Variants in PDE11A observed in about 807,000 individuals in gnomAD.
The protein encoded by PDE11A is dual 3',5'-cyclic-AMP and -GMP phosphodiesterase 11A.
A neutral mutation model predicts 100.5 loss-of-function variants in PDE11A; 100 were observed. The ratio of observed to expected loss-of-function variants is 1.00; its 90% CI spans 0.85 to 1.18. PDE11A has a LOEUF of 1.18. Among genes scored for constraint, PDE11A ranks in the 50% most tolerant of loss-of-function variants. PDE11A has a pLI of 0.00. For synonymous variants in PDE11A, 381 were observed against 420.8 expected, an observed-to-expected ratio of 0.91 and a Z score of 1.16; for missense variants, 1,141 against 1,152.6, an observed-to-expected ratio of 0.99 and a Z score of 0.15.
At chr2:177,692,712 A>C (rs1419800602) in intron 15 of PDE11A, among the ~76,000 whole-genome samples, 1 of 152,228 alleles carries the variant, frequency 6.6e-6, no homozygotes, top group Non-Finnish European at 1.5e-5. Context: ...TGAAACTTAG[A>C]AATTCACATT....
chr2:177,655,861 T>C (rs2080374589), intron 19 of PDE11A, among the ~76,000 whole-genome samples: 1 of 152,370 alleles, frequency 6.6e-6, no homozygotes, highest in Non-Finnish European at 1.5e-5. Flanking sequence ...ATGTATGCAA[T>C]ATACAATATA....
chr2:177,731,318 A>C (rs1264460977), intron 10 of PDE11A, among the ~76,000 whole-genome samples: 1 of 152,158 alleles, frequency 6.6e-6, no homozygotes, highest in Non-Finnish European at 1.5e-5. Context: ...TGGGGCTCTA[A>C]AAGTTTCTAT....
intron 2 of PDE11A, chr2:177,922,613 T>C (rs35885074): frequency 0.08 from 69,062 of 858,952 alleles, 2,847 homozygotes; most frequent in South Asian, 0.094. Flanking sequence ...CATCACTGAG[T>C]CCGGCTAATT....
At chr2:178,008,212 A>G (rs1341200908) in intron 2 of PDE11A, among the ~76,000 whole-genome samples, 3 of 152,206 alleles carry the variant, frequency 2.0e-5, no homozygotes, top group African/African-American at 7.2e-5. Flanking sequence ...TAATACCACT[A>G]TTCATGTACA....
chr2:178,084,898 C>G (rs566452214), intron 2 of PDE11A, among the ~76,000 whole-genome samples: 85 of 152,236 alleles, frequency 5.6e-4, no homozygotes, highest in African/African-American at 2.0e-3. Context: ...AAGTTTTGAT[C>G]AGTGGAATGT....
intron 2 of PDE11A, among the ~76,000 whole-genome samples, chr2:177,990,777 G>A (rs1420882485): frequency 7.1e-6 from 1 of 141,508 alleles, no homozygotes; most frequent in East Asian, 2.1e-4. Flanking sequence ...AGGGTAGCGT[G>A]GTGGCTCATG....
chr2:178,075,795 A>G (rs2105875912), upstream of PDE11A, among the ~76,000 whole-genome samples: 1 of 152,306 alleles, frequency 6.6e-6, no homozygotes, highest in Non-Finnish European at 1.5e-5. Flanking sequence ...TCTTGGCCCT[A>G]TATGGAAACT....
At chr2:177,907,485 C>T (rs566033957) in intron 2 of PDE11A, among the ~76,000 whole-genome samples, 30 of 152,202 alleles carry the variant, frequency 2.0e-4, no homozygotes, top group Non-Finnish European at 3.4e-4. Context: ...ATTGTATATG[C>T]ATTACATCTG....
upstream of PDE11A, among the ~76,000 whole-genome samples, chr2:178,077,169 G>A (rs566339662): frequency 1.2e-4 from 18 of 152,140 alleles, no homozygotes; most frequent in Middle Eastern, 6.8e-3. Context: ...ATACTCACAG[G>A]TGTGGTTCAC....
At chr2:177,826,731 C>CTA (rs2083231439) in intron 6 of PDE11A, among the ~76,000 whole-genome samples, 1 of 152,200 alleles carries the variant, frequency 6.6e-6, no homozygotes, top group Admixed American at 6.5e-5. Flanking sequence ...CTTCCCCATT[C>CTA]TATATTTTAT....
chr2:177,709,865 A>C (rs1426027444), intron 13 of PDE11A, among the ~76,000 whole-genome samples: 1 of 152,176 alleles, frequency 6.6e-6, no homozygotes, highest in Non-Finnish European at 1.5e-5. Flanking sequence ...AAAGGGGGCC[A>C]CGGGTGTCAT....
At chr2:178,081,687 T>C (rs918516778) in intron 2 of PDE11A, among the ~76,000 whole-genome samples, 1 of 152,246 alleles carries the variant, frequency 6.6e-6, no homozygotes, top group Non-Finnish European at 1.5e-5. Context: ...CTTTTTTGTT[T>C]GTTTGTTTGT....
intron 2 of PDE11A, among the ~76,000 whole-genome samples, chr2:178,084,631 G>A (rs1297591999): frequency 2.6e-5 from 4 of 152,190 alleles, no homozygotes; most frequent in Non-Finnish European, 4.4e-5. Context: ...GATGCATAGG[G>A]CATGACTGGT....
At position 177,982,225 on chromosome 2, in the gene PDE11A, T is replaced by C. The variant is rs1220123110; in HGVS notation, c.1071+32077A>G. ...CCTTAAATGTCTTGAGTGAGTAATA[T>C]AAGCTTTTGTTATTTTTTTTGGCCA... On this transcript the variant is annotated intron_variant, in intron 2 of 19. Transcript: ENST00000286063. Among the ~76,000 whole-genome samples the C allele has an allele frequency of 1.3e-5, 2 of 150,908 alleles. 1 individual carries two copies. Among genetic ancestry groups the C allele is most frequent in the Non-Finnish European group, 3.0e-5 (2 of 67,356 alleles).
chr2:178,005,640 G>C (rs1490571757), intron 2 of PDE11A, among the ~76,000 whole-genome samples: 1 of 152,134 alleles, frequency 6.6e-6, no homozygotes, highest in Non-Finnish European at 1.5e-5. Flanking sequence ...TTGGAACCGT[G>C]TCTCAAACAT....
At chr2:177,645,622 T>C (rs1308283513) in intron 19 of PDE11A, among the ~76,000 whole-genome samples, 1 of 152,194 alleles carries the variant, frequency 6.6e-6, no homozygotes, top group Non-Finnish European at 1.5e-5. Context: ...TGATTTCATA[T>C]TGTAGGTCTC....
intron 2 of PDE11A, among the ~76,000 whole-genome samples, chr2:178,002,510 A>G (rs1348923682): frequency 6.6e-6 from 1 of 152,316 alleles, no homozygotes; most frequent in Non-Finnish European, 1.5e-5. Flanking sequence ...TTAAAACCAA[A>G]TAGCAAGATT....
chr2:178,054,971 C>T (rs560137206), intron 1 of PDE11A, among the ~76,000 whole-genome samples: 1 of 152,262 alleles, frequency 6.6e-6, no homozygotes, highest in South Asian at 2.1e-4. Flanking sequence ...CTAGAAATAC[C>T]ATTTGACCCA....
chr2:177,663,998 T>C (rs1341693429), intron 18 of PDE11A, 49 bp from the exon 19 acceptor site: 3 of 1,126,536 alleles, frequency 2.7e-6, no homozygotes, highest in Admixed American at 3.4e-5. Context: ...CAAAGTATTT[T>C]ACAGGGTGCT....
Sources: gnomAD v4.1 joint callset for allele counts (sites outside exome capture counted in the v4.1 genomes callset) on GRCh38, gnomAD v4.1.1 for gene constraint, MANE v1.5 for transcripts, NCBI Gene and HGNC (gene_info 2026-07-23, HGNC 2026-07-21) for gene names.